Variants in UNC93B1 observed in about 807,000 individuals in gnomAD.
UNC93B1 encodes the protein protein unc-93 homolog B1.
Under a neutral mutation model 56.8 loss-of-function variants are expected in UNC93B1, and 33 were observed. The ratio of observed to expected loss-of-function variants is 0.58; its 90% CI spans 0.44 to 0.78. The LOEUF (loss-of-function observed/expected upper bound fraction) is 0.78, where lower values mean the gene tolerates loss of function less well. Ranked by LOEUF, UNC93B1 falls within the 30% of genes least tolerant of loss-of-function variation. The probability of loss-of-function intolerance (pLI) is 0.00; values close to 1 mark genes in which losing one functional copy is unlikely to be tolerated. For missense variants in UNC93B1, 673 were observed against 819.5 expected (o/e 0.82, Z 2.18); for synonymous variants, 334 against 358.6 (o/e 0.93, Z 0.77).
intron 8 of UNC93B1, among the ~76,000 whole-genome samples, 156 bp downstream of exon 8, chr11:67,996,446 G>C (rs1856948741): frequency 6.6e-6 from 1 of 152,140 alleles, no homozygotes; most frequent in African/African-American, 2.4e-5. Flanking sequence ...AGGGGGGACG[G>C]GGGTAAGAGA....
At chr11:68,001,284 G>C (rs1478398375) in intron 3 of UNC93B1, among the ~76,000 whole-genome samples, 2 of 152,234 alleles carry the variant, frequency 1.3e-5, no homozygotes, top group Non-Finnish European at 2.9e-5. Context: ...AGAAGTGATA[G>C]GTTTCAAAAG....
At chr11:67,994,559 C>A (rs1300521949) in intron 9 of UNC93B1, among the ~76,000 whole-genome samples, 1 of 152,082 alleles carries the variant, frequency 6.6e-6, no homozygotes, top group South Asian at 2.1e-4. Flanking sequence ...GAGACAAGGA[C>A]CCCCCGGGGT....
intron 9 of UNC93B1, among the ~76,000 whole-genome samples, chr11:67,994,833 C>T (rs889457116): frequency 3.3e-5 from 5 of 152,244 alleles, no homozygotes; most frequent in Admixed American, 1.3e-4. Context: ...TTCACAGCTT[C>T]GGCCCATCAG....
intron 10 of UNC93B1, among the ~76,000 whole-genome samples, chr11:67,993,361 G>A (rs1041174245): frequency 2.1e-4 from 32 of 152,248 alleles, no homozygotes; most frequent in African/African-American, 7.2e-4. Flanking sequence ...TGTGAGCAGA[G>A]CATGAGGAGC....
Position 67,999,296 on chromosome 11 carries a change from C to T in UNC93B1, c.564G>A (p.Gln188=). Residue 188 remains glutamine, a synonymous_variant, in exon 5 of 11, where the codon CAG becomes CAA. Coordinates refer to ENST00000227471, the MANE Select transcript of UNC93B1 (RefSeq NM_030930.4). ...TGTAGTGGGAGTACTCATGGTACTT[C>T]TGCGCCATCCTGGACCACAAAGGAG... ...SMGNYITRMA[Q]KYHEYSHYKE... 6.2e-7 allele frequency: 1 copy of T among 1,612,766 alleles called. No individual in the cohort carries two copies.
intron 3 of UNC93B1, 85 bp downstream of exon 3, chr11:68,002,937 C>T: frequency 6.8e-7 from 1 of 1,468,048 alleles, no homozygotes; most frequent in South Asian, 1.3e-5. Flanking sequence ...AACACCCCGG[C>T]AGATGGACAC....
intron 8 of UNC93B1, among the ~76,000 whole-genome samples, chr11:67,996,248 A>T (rs1004719023): frequency 1.3e-5 from 2 of 152,032 alleles, no homozygotes; most frequent in East Asian, 4.0e-4. Context: ...GGTGTTCCTT[A>T]GGCCACACCC....
chr11:67,998,829 C>G (rs1383442332), intron 5 of UNC93B1, among the ~76,000 whole-genome samples: 1 of 151,866 alleles, frequency 6.6e-6, no homozygotes, highest in African/African-American at 2.4e-5. Flanking sequence ...CCCAGCAGTT[C>G]AAGGTTGCAG....
chr11:68,003,805 G>A lies in UNC93B1; in HGVS notation c.97-7C>T. The A allele has an allele frequency of 1.4e-6, 2 of 1,473,122 alleles. No individual in the cohort carries two copies. Among genetic ancestry groups the A allele is most frequent in the Non-Finnish European group, 1.8e-6 (2 of 1,116,750 alleles). The allele number at this position is 1,473,122 out of a possible 1,614,324, so 91.3% of individuals were successfully genotyped here. On this transcript the variant is annotated splice_polypyrimidine_tract_variant and splice_region_variant and intron_variant, in intron 1 of 10. Transcript: ENST00000227471. The surrounding 1 kb of genome is among the most constrained non-coding windows in gnomAD (Gnocchi z 4.4). Reference sequence around the variant, plus strand: ...CGCCCACCAGCTCGTCCAGCTGCGAGCCACGCACGCCGCTCGCACCCGCGA... The same window carrying A: ...CGCCCACCAGCTCGTCCAGCTGCGAACCACGCACGCCGCTCGCACCCGCGA...
chr11:67,999,225 G>C lies in UNC93B1; in HGVS notation c.635C>G (p.Ser212Cys). Residue 212 changes from serine (S) to cysteine (C), a missense_variant, in exon 5 of 11, where the codon TCC becomes TGC. Transcript: ENST00000227471. ...GAAGACCAGGAGATAGGGCGCGTGG[G>C]AGCCCCGCGGAGGCCGCTGCTTCAT... ...QGMKQRPPRG[S>C]HAPYLLVFQA... 6.2e-7 allele frequency: 1 copy of C among 1,613,530 alleles called. No individual in the cohort carries two copies.
intron 9 of UNC93B1, 29 bp from the exon 10 acceptor site, chr11:67,993,823 G>C: frequency 8.8e-7 from 1 of 1,139,964 alleles, no homozygotes; most frequent in Non-Finnish European, 1.3e-6. Flanking sequence ...GGGCAGGCAG[G>C]GGAGAGGTGT....
chr11:67,991,365 T>A lies in UNC93B1; in HGVS notation c.*181A>T. 1 of 563,456 alleles carries A rather than the reference T, an allele frequency of 1.8e-6. No individual in the cohort carries two copies. Among genetic ancestry groups the A allele is most frequent in the Non-Finnish European group, 2.8e-6 (1 of 354,982 alleles). 34.9% of individuals were successfully genotyped at this position (563,456 alleles called of 1,614,324 possible). A position where few individuals can be genotyped will look rare whatever the true frequency, so the allele number is the denominator to read the frequency against. On this transcript the variant is annotated 3_prime_UTR_variant, in exon 11 of 11. Coordinates refer to ENST00000227471, the MANE Select transcript of UNC93B1 (RefSeq NM_030930.4). ...GGGTTCCCAAGGCTCCACTCCGCCT[T>A]GGAGGGGGCTGCGGAAGCCCGGAGG...
chr11:67,996,444 C>T lies in UNC93B1; in HGVS notation c.1089+158G>A, dbSNP rs117815387. On this transcript the variant is annotated intron_variant, in intron 8 of 10. Coordinates refer to ENST00000227471, the MANE Select transcript of UNC93B1 (RefSeq NM_030930.4). The stretch of plus-strand genomic sequence containing the variant: ...TAACTTGCCCAAGGTAAAGGGGGGA[C>T]GGGGGTAAGAGAGGGAAGAGAAAGC... 7.4e-3 allele frequency among the ~76,000 whole-genome samples: 1,120 copies of T among 151,382 alleles called. 9 individuals carry two copies. Among genetic ancestry groups the T allele is most frequent in the Admixed American group, 0.012 (182 of 15,232 alleles).
chr11:67,998,038 C>A (rs1468490386), intron 6 of UNC93B1, among the ~76,000 whole-genome samples: 1 of 152,244 alleles, frequency 6.6e-6, no homozygotes, highest in Non-Finnish European at 1.5e-5. Context: ...CACCCTATTT[C>A]CCCAAGGCTC....
Position 67,996,722 on chromosome 11 carries a change from G to C in UNC93B1, c.969C>G (p.Gly323=). The C allele has an allele frequency of 6.4e-7, 1 of 1,554,612 alleles. No individual in the cohort carries two copies. Among genetic ancestry groups the C allele is most frequent in the Non-Finnish European group, 8.7e-7 (1 of 1,148,810 alleles). ...AGGGCAGCTGGAAGATGTTGCCCCA[G>C]CCCACGCTGCGCAGATCGATCTCCT... ...PTEEIDLRSV[G]WGNIFQLPFK... The change falls in exon 8 of 11, where the codon GGC becomes GGG. Residue 323 remains glycine (G), a synonymous_variant. Coordinates refer to ENST00000227471, the MANE Select transcript of UNC93B1 (RefSeq NM_030930.4).
At chr11:67,996,292 G>A (rs1024717029) in intron 8 of UNC93B1, among the ~76,000 whole-genome samples, 1 of 152,056 alleles carries the variant, frequency 6.6e-6, no homozygotes, top group African/African-American at 2.4e-5. Flanking sequence ...TCGCTCCAAG[G>A]CTCAGGGGAA....
rs1261429354 is a variant in UNC93B1 at position 67,997,712 on chromosome 11, C to G, written c.869G>C (p.Ser290Thr). The change falls in exon 7 of 11, where the codon AGC (serine) becomes ACC (threonine). Residue 290 changes from serine (S) to threonine (T), a missense_variant. Ser to Thr is a moderately conservative substitution (Grantham distance 58). Around this residue, in one of 3 missense-constraint regions of UNC93B1, gnomAD observed 438 missense variants for 465.9 expected, o/e 0.94. Transcript: ENST00000227471. ...CAGGAAGGCCACTGCCATGAGCACG[C>G]TCTCCACCACAATGAGGTTTCCGCT... ...PRSGNLIVVE[S>T]VLMAVAFLAM... 6.2e-7 allele frequency: 1 copy of G among 1,608,418 alleles called. No individual in the cohort carries two copies. The highest frequency in any genetic ancestry group is 8.5e-7 in the Non-Finnish European group (1 of 1,179,868).
In UNC93B1 at chr11:68,003,291, A is replaced by C; in HGVS notation, c.239-116T>G. ...CCAATCACCGAAGGCATTCCCGCTG[A>C]CAGCGCCCCTCAGGACAGCGGGGTT... On this transcript the variant is annotated intron_variant, in intron 2 of 10. Transcript: ENST00000227471. This position sits in a 1 kb window ranked among gnomAD's most constrained non-coding sequence, Gnocchi z 4.4. 7.9e-7 allele frequency: 1 copy of C among 1,263,194 alleles called. No homozygotes were observed. The highest frequency in any genetic ancestry group is 1.1e-6 in the Non-Finnish European group (1 of 946,032). 78.2% of individuals were successfully genotyped at this position (1,263,194 alleles called of 1,614,324 possible). A position where few individuals can be genotyped will look rare whatever the true frequency, so the allele number is the denominator to read the frequency against.
At position 67,991,879 on chromosome 11, in the gene UNC93B1, C is replaced by T. The variant is rs1318299834; in HGVS notation, c.1483-22G>A. ...TAGCCTGGGCGTAAGGAGAGGGATG[C>T]CAGGGACCCGCGGCCGCCTCGCCCC... On this transcript the variant is annotated intron_variant, in intron 10 of 10. Transcript: ENST00000227471. 8.4e-6 allele frequency: 13 copies of T among 1,546,802 alleles called. No homozygotes were observed. In the South Asian group the frequency reaches 1.4e-4, roughly 17 times the overall value.
Sources: gnomAD v4.1 joint callset for allele counts (sites outside exome capture counted in the v4.1 genomes callset) on GRCh38, gnomAD v4.1.1 for gene constraint, gnomAD v4.1.1 regional missense constraint, Gnocchi (gnomAD v3.1) non-coding constraint, MANE v1.5 for transcripts, NCBI Gene and HGNC (gene_info 2026-07-23, HGNC 2026-07-21) for gene names.